Variants in PRKAR1A observed in about 807,000 individuals in gnomAD.
PRKAR1A encodes the protein protein kinase cAMP-dependent type I regulatory subunit alpha, also known as cAMP-dependent protein kinase type I-alpha regulatory subunit.
Under a neutral mutation model 52.0 loss-of-function variants are expected in PRKAR1A, and 3 were observed. That is an observed-to-expected ratio of 0.06 (90% confidence interval 0.03 to 0.15). PRKAR1A has a LOEUF of 0.15. Among genes scored for constraint, PRKAR1A ranks in the 10% least tolerant of loss-of-function variants. PRKAR1A has a pLI of 1.00. For missense variants in PRKAR1A, 240 were observed against 477.4 expected, an observed-to-expected ratio of 0.50 and a Z score of 4.63; for synonymous variants, 188 against 168.4, an observed-to-expected ratio of 1.12 and a Z score of -0.90.
At chr17:68,506,591 C>T in the PRKAR1A span, among the ~76,000 whole-genome samples, 1 of 151,984 alleles carries the variant, frequency 6.6e-6, no homozygotes, top group Non-Finnish European at 1.5e-5. Context: ...TCAAGCAATT[C>T]TTCTGCCTCA....
At chr17:68,431,220 G>A in the PRKAR1A span, among the ~76,000 whole-genome samples, 2 of 152,214 alleles carry the variant, frequency 1.3e-5, no homozygotes, top group African/African-American at 4.8e-5. Flanking sequence ...GGTCCAGGCA[G>A]GAGCTAGTCC....
At chr17:68,495,857 G>A in the PRKAR1A span, among the ~76,000 whole-genome samples, 3 of 149,960 alleles carry the variant, frequency 2.0e-5, no homozygotes, top group African/African-American at 4.9e-5. Context: ...AGGCTCTGGG[G>A]GAGAATCTGT....
chr17:68,444,617 C>T, the PRKAR1A span: 10 of 1,582,476 alleles, frequency 6.3e-6, no homozygotes, highest in Middle Eastern at 1.7e-4. Context: ...TATCAGTCTA[C>T]CGAACCGTTC....
the PRKAR1A span, chr17:68,430,308 C>T: frequency 9.6e-6 from 7 of 730,302 alleles, no homozygotes; most frequent in Admixed American, 6.1e-5. Context: ...TGAGAACAAT[C>T]CAGGACGTAT....
chr17:68,419,705 A>T, the PRKAR1A span, among the ~76,000 whole-genome samples: 1 of 151,990 alleles, frequency 6.6e-6, no homozygotes, highest in African/African-American at 2.4e-5. Flanking sequence ...CCTGCTGATA[A>T]TCCCAGCATT....
At chr17:68,511,245 G>T (rs2085259928), upstream of PRKAR1A, among the ~76,000 whole-genome samples, 1 of 152,128 alleles carries the variant, frequency 6.6e-6, no homozygotes, top group Admixed American at 6.5e-5. Context: ...CACGGCCCTA[G>T]AAATATATAC....
At chr17:68,427,979 T>TTACTGAG in the PRKAR1A span, among the ~76,000 whole-genome samples, 4 of 151,376 alleles carry the variant, frequency 2.6e-5, no homozygotes, top group African/African-American at 4.9e-5. Flanking sequence ...AGTCTTGACC[T>TTACTGAG]TCCTGGGCTC....
rs192114116 is a variant in PRKAR1A at position 68,523,604 on chromosome 17, A to T, written c.349-121A>T. On this transcript the variant is annotated intron_variant, in intron 3 of 10. Transcript: ENST00000589228. ...TAGTACAAGTGTGTTGTAGTGAAACACTACAAAGCAGTCTTGTTTAAATAC... is the reference window on the plus strand; with the variant it reads ...TAGTACAAGTGTGTTGTAGTGAAACTCTACAAAGCAGTCTTGTTTAAATAC... 13 of 759,230 alleles carry T rather than the reference A, an allele frequency of 1.7e-5. No individual in the cohort carries two copies. The East Asian group carries it at 3.1e-4, about 18-fold the overall frequency. 47.0% of individuals were successfully genotyped at this position (759,230 alleles called of 1,614,324 possible). A position where few individuals can be genotyped will look rare whatever the true frequency, so the allele number is the denominator to read the frequency against.
Position 68,522,770 on chromosome 17 carries a change from G to C in PRKAR1A, c.192G>C (p.Gln64His), listed in dbSNP as rs1438564398. The C allele has an allele frequency of 6.2e-7, 1 of 1,614,112 alleles. No individual in the cohort carries two copies. The highest frequency in any genetic ancestry group is 1.1e-5 in the South Asian group (1 of 91,070). The stretch of plus-strand genomic sequence containing the variant: ...ATTTCTTTCAGGAGGAGGCAAAACA[G>C]ATTCAGAATCTGCAGAAAGCAGGCA... ...FERLEKEEAK[Q>H]IQNLQKAGTR... Residue 64 changes from glutamine to histidine, a missense_variant, in exon 3 of 11, where the codon CAG becomes CAC. Gln to His is a conservative substitution (Grantham distance 24). Coordinates refer to ENST00000589228, the MANE Select transcript of PRKAR1A (RefSeq NM_002734.5).
chr17:68,517,338 A>G (rs181281244), intron 2 of PRKAR1A, among the ~76,000 whole-genome samples: 8 of 152,316 alleles, frequency 5.3e-5, no homozygotes, highest in Admixed American at 5.2e-4. Flanking sequence ...TTAGTCTATT[A>G]GTCCGTTGTC....
At chr17:68,416,552 C>T in the PRKAR1A span, among the ~76,000 whole-genome samples, 1 of 152,148 alleles carries the variant, frequency 6.6e-6, no homozygotes, top group African/African-American at 2.4e-5. Context: ...ATTATTCCCC[C>T]AAATATGTTT....
chr17:68,437,659 A>G, the PRKAR1A span, among the ~76,000 whole-genome samples: 11 of 152,316 alleles, frequency 7.2e-5, no homozygotes, highest in Middle Eastern at 0.01. Context: ...CTGCGTCTGC[A>G]GTCAAGATGG....
rs373618718 is a variant in PRKAR1A, at chr17:68,542,741, T to A, written c.974-8343T>A. Reference sequence around the variant, plus strand: ...CTGCAGGATTTCATTCTTGGTGACCTCTAGGATTTCCTTGGTGACATTTAC... The same window carrying A: ...CTGCAGGATTTCATTCTTGGTGACCACTAGGATTTCCTTGGTGACATTTAC... On this transcript the variant is annotated intron_variant, in intron 11 of 11. Transcript: ENST00000585981. 6.2e-6 allele frequency: 10 copies of A among 1,613,994 alleles called. No individual in the cohort carries two copies. In the African/African-American group the frequency reaches 1.2e-4, roughly 19 times the overall value.
the PRKAR1A span, among the ~76,000 whole-genome samples, chr17:68,414,497 G>C: frequency 6.6e-6 from 1 of 151,940 alleles, no homozygotes; most frequent in Non-Finnish European, 1.5e-5. Flanking sequence ...TTTCTTTTTT[G>C]GTTATGTCCT....
At chr17:68,476,810 G>A in the PRKAR1A span, among the ~76,000 whole-genome samples, 1 of 151,934 alleles carries the variant, frequency 6.6e-6, no homozygotes, top group African/African-American at 2.4e-5. Context: ...CTACAGGTGT[G>A]TGCCACCATG....
the PRKAR1A span, among the ~76,000 whole-genome samples, chr17:68,478,829 G>A: frequency 2.6e-5 from 4 of 151,720 alleles, no homozygotes; most frequent in Non-Finnish European, 1.5e-5. Flanking sequence ...CCGGATTCAA[G>A]CAATTCTTCT....
At chr17:68,457,959 C>G in the PRKAR1A span, among the ~76,000 whole-genome samples, 99 of 152,240 alleles carry the variant, frequency 6.5e-4, 2 homozygotes, top group South Asian at 0.017. Context: ...TCGGGGCCGC[C>G]GCAAGGGTGA....
the PRKAR1A span, among the ~76,000 whole-genome samples, chr17:68,502,610 A>G: frequency 2.0e-5 from 3 of 151,950 alleles, no homozygotes; most frequent in East Asian, 3.9e-4. Context: ...AAATTAGCCA[A>G]GGTTGGTGGT....
At chr17:68,435,089 C>T in the PRKAR1A span, among the ~76,000 whole-genome samples, 7 of 152,060 alleles carry the variant, frequency 4.6e-5, no homozygotes, top group Admixed American at 4.6e-4. Context: ...TGCCTGTAAT[C>T]TCAGCTACTC....
Sources: gnomAD v4.1 joint callset for allele counts (sites outside exome capture counted in the v4.1 genomes callset) on GRCh38, gnomAD v4.1.1 for gene constraint, MANE v1.5 for transcripts, NCBI Gene and HGNC (gene_info 2026-07-23, HGNC 2026-07-21) for gene names.